The following LMAN1 variants were observed in gnomAD, a reference collection of about 807,000 sequenced individuals.
LMAN1 encodes protein ERGIC-53.
LMAN1 carries 32 observed loss-of-function variants against 67.8 expected under a neutral mutation model. The observed-to-expected ratio is 0.47, with a 90% CI of 0.36 to 0.63. The LOEUF is 0.63. Ranked by LOEUF, LMAN1 falls within the 30% of genes least tolerant of loss-of-function variation. The pLI is 0.00. For synonymous variants in LMAN1, 235 were observed against 219.3 expected (o/e 1.07, Z -0.63); for missense variants, 632 against 628.2 (o/e 1.01, Z -0.06).
Position 59,349,192 on chromosome 18 carries a change from T to C in LMAN1, c.684A>G (p.Glu228=). ...NGFTPDKNDY[E]FCAKVENMII... ...TCATATTTTCCACTTTGGCACAAAATTCATAATCATTTTTATCTGGTGTAA... is the reference window on the plus strand; with the variant it reads ...TCATATTTTCCACTTTGGCACAAAACTCATAATCATTTTTATCTGGTGTAA... The change falls in exon 6 of 13, where the codon GAA becomes GAG. Residue 228 remains glutamate, a synonymous_variant. Transcript: ENST00000251047. The C allele has an allele frequency of 6.2e-7, 1 of 1,613,684 alleles. No homozygotes were observed. The highest frequency in any genetic ancestry group is 8.5e-7 in the Non-Finnish European group (1 of 1,179,588).
At chr18:59,337,506 T>C (rs1908186404) in intron 10 of LMAN1, among the ~76,000 whole-genome samples, 1 of 152,152 alleles carries the variant, frequency 6.6e-6, no homozygotes, top group South Asian at 2.1e-4. Flanking sequence ...TTATATAAAT[T>C]AGAGAAAGAT....
chr18:59,344,130 G>A (rs1291934941), intron 8 of LMAN1, among the ~76,000 whole-genome samples: 1 of 152,120 alleles, frequency 6.6e-6, no homozygotes, highest in East Asian at 1.9e-4. Flanking sequence ...TTATTAAAAA[G>A]TCAAAAGACA....
At chr18:59,347,926 T>A (rs1048913934) in intron 6 of LMAN1, among the ~76,000 whole-genome samples, 2 of 152,258 alleles carry the variant, frequency 1.3e-5, no homozygotes, top group Non-Finnish European at 2.9e-5. Flanking sequence ...AGATCCTCCA[T>A]GGTTTCCCAC....
At chr18:59,349,061 C>T (rs1312145687) in intron 6 of LMAN1, 52 bp downstream of exon 6, 1 of 1,606,102 alleles carries the variant, frequency 6.2e-7, no homozygotes, top group Non-Finnish European at 8.5e-7. Context: ...TATACTATTC[C>T]CAATAAAACA....
intron 8 of LMAN1, among the ~76,000 whole-genome samples, chr18:59,340,308 T>C (rs965083125): frequency 2.0e-5 from 3 of 152,018 alleles, no homozygotes; most frequent in Non-Finnish European, 2.9e-5. Flanking sequence ...GAAAAATATA[T>C]TGCAAAAAGG....
chr18:59,353,120 T>C (rs1908581430), intron 5 of LMAN1, 82 bp downstream of exon 5: 2 of 1,239,950 alleles, frequency 1.6e-6, no homozygotes, highest in South Asian at 2.4e-5. Context: ...TTTAAGTGCA[T>C]TTAATTTCTA....
At chr18:59,338,393 A>G (rs1908210329) in intron 10 of LMAN1, among the ~76,000 whole-genome samples, 164 bp downstream of exon 10, 1 of 152,218 alleles carries the variant, frequency 6.6e-6, no homozygotes, top group South Asian at 2.1e-4. Flanking sequence ...GTTTTTGAAT[A>G]TTAAAAGTTG....
rs1568110996 is a variant in LMAN1, at chr18:59,329,342, C to T, written c.*1751G>A. ...TCCTTTAATGCACAGGCACATATGA[C>T]CATGGACTTTATAATACTGGATTTG... is the stretch of plus-strand genomic sequence containing the variant. On this transcript the variant is annotated 3_prime_UTR_variant, in exon 13 of 13. Coordinates refer to ENST00000251047, the MANE Select transcript of LMAN1 (RefSeq NM_005570.4). The T allele has an allele frequency of 6.6e-6, 1 of 152,072 alleles. No homozygotes were observed. Among genetic ancestry groups the T allele is most frequent in the Non-Finnish European group, 1.5e-5 (1 of 67,988 alleles). The allele number at this position is 152,072 out of a possible 1,614,324, so 9.4% of individuals were successfully genotyped here.
intron 10 of LMAN1, among the ~76,000 whole-genome samples, chr18:59,336,918 A>AT (rs996210072): frequency 1.3e-5 from 2 of 148,346 alleles, no homozygotes; most frequent in Admixed American, 1.4e-4. Context: ...AAAAATAAAA[A>AT]TTAAAAAAAA....
At chr18:59,340,616 C>T (rs1009154370) in intron 8 of LMAN1, among the ~76,000 whole-genome samples, 7 of 152,124 alleles carry the variant, frequency 4.6e-5, no homozygotes, top group Non-Finnish European at 8.8e-5. Flanking sequence ...ATTACCAGAC[C>T]AGCATGACAG....
intron 10 of LMAN1, among the ~76,000 whole-genome samples, chr18:59,334,811 C>A (rs1463467222): frequency 1.3e-5 from 2 of 152,070 alleles, no homozygotes; most frequent in Admixed American, 1.3e-4. Context: ...CTACCCTTTC[C>A]ATTAAAGGCA....
chr18:59,348,918 C>A (rs1195418646), intron 6 of LMAN1, among the ~76,000 whole-genome samples, 195 bp downstream of exon 6: 1 of 152,230 alleles, frequency 6.6e-6, no homozygotes, highest in Non-Finnish European at 1.5e-5. Context: ...CCCCAGTTAA[C>A]TGTACACCTA....
intron 8 of LMAN1, among the ~76,000 whole-genome samples, chr18:59,344,780 C>T (rs1301161354): frequency 6.6e-6 from 1 of 152,132 alleles, no homozygotes; most frequent in African/African-American, 2.4e-5. Flanking sequence ...TGCACTTGTA[C>T]TCTTCCTAAA....
At chr18:59,353,367 G>A in intron 4 of LMAN1, 66 bp from the exon 5 acceptor site, 1 of 1,139,840 alleles carries the variant, frequency 8.8e-7, no homozygotes. Flanking sequence ...AATTCAGGAA[G>A]ACTAAAATAA....
At chr18:59,337,108 T>A (rs1223020229) in intron 10 of LMAN1, among the ~76,000 whole-genome samples, 1 of 150,194 alleles carries the variant, frequency 6.7e-6, no homozygotes, top group Non-Finnish European at 1.5e-5. Flanking sequence ...GAAACCACCA[T>A]AACCGAGTGA....
rs755021853 is a variant in LMAN1 at position 59,333,108 on chromosome 18, A to T, written c.1357T>A (p.Leu453Ile). 9.9e-6 allele frequency: 16 copies of T among 1,613,386 alleles called. No homozygotes were observed. The highest frequency in any genetic ancestry group is 1.4e-5 in the Non-Finnish European group (16 of 1,179,562). The change falls in exon 11 of 13, where the codon TTA becomes ATA. Residue 453 changes from leucine (L) to isoleucine (I), a missense_variant. By Grantham distance (5) the Leu-to-Ile change is conservative (BLOSUM62 2). Coordinates refer to ENST00000251047, the MANE Select transcript of LMAN1 (RefSeq NM_005570.4). ...LHIVKRDIDNLVQRNMPSNEK... is the reference protein window; with the variant it reads ...LHIVKRDIDNIVQRNMPSNEK... ...AAAGTTACCATATTTCGCTGCACTAAGTTATCTATGTCCCTCTTTACTATG... is the reference window on the plus strand; with the variant it reads ...AAAGTTACCATATTTCGCTGCACTATGTTATCTATGTCCCTCTTTACTATG...
intron 2 of LMAN1, 31 bp from the exon 3 acceptor site, chr18:59,355,451 G>A (rs377134259): frequency 1.9e-6 from 3 of 1,613,508 alleles, no homozygotes; most frequent in Non-Finnish European, 2.5e-6. Context: ...ACAGTTAGAG[G>A]CTAGTGGTAT....
At chr18:59,354,218 T>A (rs553278258) in intron 4 of LMAN1, among the ~76,000 whole-genome samples, 1 of 152,274 alleles carries the variant, frequency 6.6e-6, no homozygotes, top group African/African-American at 2.4e-5. Context: ...AAGATAAAAA[T>A]GCATGATTAG....
rs1908457644 is a variant in LMAN1 at position 59,347,979 on chromosome 18, TC to T, written c.764-409del. On this transcript the variant is annotated intron_variant, in intron 6 of 12. Transcript: ENST00000251047. Reference sequence around the variant, plus strand: ...AACGTCCCAGACAAATGAGAGAAAATCCTGGTCTCCACATACTGCCGGGTAC... The same window carrying T: ...AACGTCCCAGACAAATGAGAGAAAATCTGGTCTCCACATACTGCCGGGTAC... 4.6e-5 allele frequency among the ~76,000 whole-genome samples: 7 copies of T among 152,306 alleles called. No homozygotes were observed. The South Asian group carries it at 1.4e-3, about 32-fold the overall frequency.
Sources: gnomAD v4.1 joint callset for allele counts (sites outside exome capture counted in the v4.1 genomes callset) on GRCh38, gnomAD v4.1.1 for gene constraint, MANE v1.5 for transcripts, NCBI Gene and HGNC (gene_info 2026-07-23, HGNC 2026-07-21) for gene names.